Variants in OR1L8 observed in about 807,000 individuals in gnomAD.
The protein encoded by OR1L8 is olfactory receptor 1L8.
For missense variants in OR1L8, 330 were observed against 377.4 expected (o/e 0.87, Z 1.04); for synonymous variants, 148 against 147.0 (o/e 1.01, Z -0.05).
At chr9:122,577,010 T>C (rs1481523407) in intron 2 of OR1L8, 109 bp from the exon 3 acceptor site, 1 of 152,186 alleles carries the variant, frequency 6.6e-6, no homozygotes, top group Non-Finnish European at 1.5e-5. Flanking sequence ...GTAACTCTGA[T>C]GTATAATTGG....
In OR1L8 at chr9:122,580,170, G is replaced by GA. The variant is rs199708209; in HGVS notation, c.-599-1726dup. Among the ~76,000 whole-genome samples the GA allele has an allele frequency of 5.1e-3, 748 of 147,930 alleles. 8 individuals carry two copies. Among genetic ancestry groups the GA allele is most frequent in the African/African-American group, 0.017 (695 of 40,426 alleles). ...AACTGGACAATGAAAATCTGCTGCA[G>GA]AAAAAAAAAATGTTCCAAGAATATT... On this transcript the variant is annotated intron_variant, in intron 1 of 4. Coordinates refer to ENST00000641027, the MANE Select transcript of OR1L8 (RefSeq NM_001004454.2).
chr9:122,568,639 G>A lies in OR1L8; in HGVS notation c.-162C>T, dbSNP rs747026696. On this transcript the variant is annotated 5_prime_UTR_variant, in exon 5 of 5. Transcript: ENST00000641027. ...CTTGTTCACCTCATGGTCCTTGATG[G>A]GGTCCTCCCTTCCCAAATCTATGGG... 2 of 547,264 alleles carry A rather than the reference G, an allele frequency of 3.7e-6. No homozygotes were observed. Among genetic ancestry groups the A allele is most frequent in the Non-Finnish European group, 6.4e-6 (2 of 313,432 alleles). The allele number at this position is 547,264 out of a possible 1,614,324, so 33.9% of individuals were successfully genotyped here.
At chr9:122,554,025 G>T in the OR1L8 span, 2 of 1,613,818 alleles carry the variant, frequency 1.2e-6, no homozygotes, top group Non-Finnish European at 1.7e-6. Flanking sequence ...TTACTCTACA[G>T]AGAGGGAAAG....
Position 122,568,740 on chromosome 9 carries a change from C to G in OR1L8, c.-212-51G>C, listed in dbSNP as rs570100011. ...CTTTAGAAACTTTCAGAAGTGGACT[C>G]CTCTAATTCAGACTCAGTATTTCCT... On this transcript the variant is annotated intron_variant, in intron 4 of 4. Transcript: ENST00000641027. 3 of 358,342 alleles carry G rather than the reference C, an allele frequency of 8.4e-6. No individual in the cohort carries two copies. The East Asian group carries it at 1.5e-4, about 18-fold the overall frequency. 22.2% of individuals were successfully genotyped at this position (358,342 alleles called of 1,614,324 possible). A position where few individuals can be genotyped will look rare whatever the true frequency, so the allele number is the denominator to read the frequency against.
the OR1L8 span, among the ~76,000 whole-genome samples, chr9:122,554,882 A>G: frequency 3.3e-5 from 5 of 152,224 alleles, no homozygotes; most frequent in Non-Finnish European, 7.3e-5. Flanking sequence ...TAACTACACC[A>G]TCCGTTCTCT....
chr9:122,557,008 G>A, the OR1L8 span, among the ~76,000 whole-genome samples: 141,886 of 152,208 alleles, frequency 0.93, 66,215 homozygotes, highest in East Asian at 0.98. Flanking sequence ...TGTAAATGGT[G>A]TTGTGTTTTT....
intron 1 of OR1L8, among the ~76,000 whole-genome samples, chr9:122,579,948 A>G (rs1042091514): frequency 2.4e-4 from 36 of 152,124 alleles, no homozygotes; most frequent in African/African-American, 8.2e-4. Flanking sequence ...CTCTTACCCA[A>G]TTAGGAAGGA....
the OR1L8 span, chr9:122,554,004 C>T: frequency 6.2e-7 from 1 of 1,613,796 alleles, no homozygotes; most frequent in Non-Finnish European, 8.5e-7. Flanking sequence ...GTATTTACTT[C>T]CTCCATCAAC....
At chr9:122,548,974 T>G in the OR1L8 span, among the ~76,000 whole-genome samples, 2 of 152,064 alleles carry the variant, frequency 1.3e-5, no homozygotes, top group African/African-American at 4.8e-5. Flanking sequence ...TTGGTTTAAT[T>G]TAGTTCCATT....
chr9:122,567,687 G>A lies in OR1L8; in HGVS notation c.791C>T (p.Pro264Leu), dbSNP rs1829454864. ...GSIFCVYLQP[P>L]STYAVKDHVA... is the part of the protein sequence containing the mutation. ...GTGGTCCTTGACAGCGTAGGTGGATGGGGGCTGTAAATAGACACAGAAGAT... is the reference window on the plus strand; with the variant it reads ...GTGGTCCTTGACAGCGTAGGTGGATAGGGGCTGTAAATAGACACAGAAGAT... Residue 264 changes from proline to leucine, a missense_variant, in exon 5 of 5, where the codon CCA (proline) becomes CTA (leucine). Pro to Leu is a moderately conservative substitution (Grantham distance 98). Transcript: ENST00000641027. 1 of 1,614,090 alleles carries A rather than the reference G, an allele frequency of 6.2e-7. No homozygotes were observed. The highest frequency in any genetic ancestry group is 8.5e-7 in the Non-Finnish European group (1 of 1,179,976).
the OR1L8 span, chr9:122,553,080 C>A: frequency 1.2e-6 from 1 of 851,746 alleles, no homozygotes; most frequent in Non-Finnish European, 1.8e-6. Context: ...TTGGCAAAGA[C>A]CATTTATTTT....
At chr9:122,554,762 T>C in the OR1L8 span, among the ~76,000 whole-genome samples, 1 of 152,088 alleles carries the variant, frequency 6.6e-6, no homozygotes, top group Non-Finnish European at 1.5e-5. Flanking sequence ...ATATATGTTA[T>C]GGTATTCCTT....
chr9:122,562,167 C>G (rs1829364754), downstream of OR1L8, among the ~76,000 whole-genome samples: 1 of 152,220 alleles, frequency 6.6e-6, no homozygotes, highest in African/African-American at 2.4e-5. Flanking sequence ...TTCTTGCCAC[C>G]AAGTCTCCCT....
the OR1L8 span, among the ~76,000 whole-genome samples, chr9:122,558,253 GCTTA>G: frequency 9.0e-6 from 1 of 111,064 alleles, no homozygotes; most frequent in Non-Finnish European, 1.9e-5. Flanking sequence ...TTTTTCTTGT[GCTTA>G]CTTTGGATTT....
At chr9:122,550,571 TG>T in the OR1L8 span, among the ~76,000 whole-genome samples, 2 of 150,664 alleles carry the variant, frequency 1.3e-5, no homozygotes, top group African/African-American at 4.9e-5. Context: ...GTTTTTTTTT[TG>T]AGGAATACAA....
chr9:122,571,331 C>T (rs1442250767), intron 4 of OR1L8, among the ~76,000 whole-genome samples: 1 of 152,016 alleles, frequency 6.6e-6, no homozygotes, highest in East Asian at 1.9e-4. Flanking sequence ...GCAGGCGGAT[C>T]ACAAGGTCAG....
At chr9:122,577,826 A>G (rs1006841394) in intron 2 of OR1L8, among the ~76,000 whole-genome samples, 1 of 152,210 alleles carries the variant, frequency 6.6e-6, no homozygotes, top group Non-Finnish European at 1.5e-5. Flanking sequence ...ACATTAAGCC[A>G]TGTACATTCT....
intron 3 of OR1L8, among the ~76,000 whole-genome samples, chr9:122,575,662 C>T (rs552259325): frequency 1.3e-5 from 2 of 152,126 alleles, no homozygotes; most frequent in Admixed American, 6.5e-5. Context: ...TTGAGGTTTA[C>T]AGCATGATGC....
chr9:122,582,685 C>T (rs1829752484), intron 1 of OR1L8, among the ~76,000 whole-genome samples: 1 of 152,066 alleles, frequency 6.6e-6, no homozygotes, highest in South Asian at 2.1e-4. Context: ...CATTGCACTA[C>T]AGCTGGGTTG....
Sources: allele counts gnomAD v4.1 joint callset (sites outside exome capture counted in the v4.1 genomes callset), GRCh38; gene constraint gnomAD v4.1.1; transcripts MANE v1.5; gene names NCBI Gene and HGNC (gene_info 2026-07-23, HGNC 2026-07-21).